Variants in PHACTR1 observed in about 807,000 individuals in gnomAD.
PHACTR1 encodes the protein RPEL repeat containing 1.
Under a neutral mutation model 69.2 loss-of-function variants are expected in PHACTR1, and 16 were observed. The observed-to-expected ratio is 0.23, with a 90% CI of 0.16 to 0.35. The LOEUF (loss-of-function observed/expected upper bound fraction) is 0.35, where lower values mean the gene tolerates loss of function less well. Ranked by LOEUF, PHACTR1 falls within the 10% of genes least tolerant of loss-of-function variation. The pLI is 1.00. For synonymous variants in PHACTR1, 312 were observed against 284.5 expected (o/e 1.10, Z -0.97); for missense variants, 510 against 734.7 (o/e 0.69, Z 3.54).
At chr6:13,215,919 A>C (rs1767601428) in intron 8 of PHACTR1, among the ~76,000 whole-genome samples, 1 of 152,228 alleles carries the variant, frequency 6.6e-6, no homozygotes, top group South Asian at 2.1e-4. Flanking sequence ...TCTTAGCAAC[A>C]CCCATTGATC....
chr6:13,113,267 CAAG>C (rs1817315705), intron 5 of PHACTR1, among the ~76,000 whole-genome samples: 3 of 152,106 alleles, frequency 2.0e-5, no homozygotes, highest in African/African-American at 4.8e-5. Context: ...AAAACTGATC[CAAG>C]AAGAAGTAGG....
chr6:13,272,976 T>C (rs1778079758), intron 11 of PHACTR1, 61 bp downstream of exon 11: 3 of 1,602,714 alleles, frequency 1.9e-6, no homozygotes, highest in Non-Finnish European at 1.7e-6. Flanking sequence ...TATTATTTAA[T>C]GGTAGGCCAC....
chr6:12,807,443 A>G (rs1018310185), intron 4 of PHACTR1, among the ~76,000 whole-genome samples: 3 of 152,200 alleles, frequency 2.0e-5, no homozygotes, highest in African/African-American at 7.2e-5. Flanking sequence ...ATGCTAGTGT[A>G]TATCGAGGAG....
At chr6:12,812,669 A>G (rs952070056) in intron 4 of PHACTR1, among the ~76,000 whole-genome samples, 19 of 152,300 alleles carry the variant, frequency 1.2e-4, no homozygotes, top group African/African-American at 4.3e-4. Flanking sequence ...TCCCATCGTC[A>G]TGCCTTTCTC....
chr6:12,953,825 G>C (rs1424672313), intron 4 of PHACTR1, among the ~76,000 whole-genome samples: 1 of 152,184 alleles, frequency 6.6e-6, no homozygotes, highest in Admixed American at 6.5e-5. Flanking sequence ...GAGTAGAAAG[G>C]AAGAGTATTG....
At chr6:12,906,655 C>A (rs1785763417) in intron 4 of PHACTR1, among the ~76,000 whole-genome samples, 2 of 152,084 alleles carry the variant, frequency 1.3e-5, no homozygotes, top group South Asian at 4.2e-4. Flanking sequence ...TCATCATGAC[C>A]CTTTCTATGT....
intron 5 of PHACTR1, among the ~76,000 whole-genome samples, chr6:13,149,819 T>A (rs1460366130): frequency 7.2e-6 from 1 of 138,018 alleles, no homozygotes; most frequent in Non-Finnish European, 1.5e-5. Flanking sequence ...AGTTACGAGA[T>A]TTTTTTTTGC....
intron 4 of PHACTR1, among the ~76,000 whole-genome samples, chr6:13,052,008 G>A (rs77447172): frequency 0.032 from 4,837 of 152,182 alleles, 260 homozygotes; most frequent in African/African-American, 0.11. Context: ...CTGTGTCCTC[G>A]CCTGTCTTCC....
chr6:13,254,897 C>G (rs1462167180), intron 10 of PHACTR1, among the ~76,000 whole-genome samples: 2 of 152,136 alleles, frequency 1.3e-5, no homozygotes, highest in Non-Finnish European at 2.9e-5. Flanking sequence ...TTATATGCAA[C>G]AAGTTAAGAG....
chr6:12,787,409 A>G (rs1771672697), intron 4 of PHACTR1, among the ~76,000 whole-genome samples: 2 of 152,222 alleles, frequency 1.3e-5, no homozygotes, highest in East Asian at 1.9e-4. Context: ...TCTTCCCATG[A>G]CTTGAGTGTG....
Position 13,171,089 on chromosome 6 carries a change from A to G in PHACTR1, c.496+10805A>G, listed in dbSNP as rs9395506. 3.0e-4 allele frequency among the ~76,000 whole-genome samples: 45 copies of G among 152,300 alleles called. No homozygotes were observed. The East Asian group carries it at 7.9e-3, about 27-fold the overall frequency. On this transcript the variant is annotated intron_variant, in intron 6 of 14. Transcript: ENST00000332995. ...AGCAGGTACTCGATCAAGGTTAGCT[A>G]TGGTCTCCACCAGCCACCTGTTCTC...
intron 4 of PHACTR1, among the ~76,000 whole-genome samples, chr6:12,893,209 G>A (rs1226692836): frequency 2.6e-5 from 4 of 152,172 alleles, no homozygotes; most frequent in Non-Finnish European, 5.9e-5. Flanking sequence ...AGGGCTCCAA[G>A]AGGTCAAAAG....
chr6:12,739,527 T>TATAA (rs1161269041), intron 3 of PHACTR1, among the ~76,000 whole-genome samples: 3 of 152,078 alleles, frequency 2.0e-5, no homozygotes, highest in East Asian at 1.9e-4. Context: ...AGAAGCTTTT[T>TATAA]ATAAATAAAT....
At chr6:12,729,481 G>A (rs1455057973) in intron 3 of PHACTR1, among the ~76,000 whole-genome samples, 3 of 152,176 alleles carry the variant, frequency 2.0e-5, no homozygotes, top group Non-Finnish European at 4.4e-5. Context: ...CATGGGAAGA[G>A]GGTGATCCAT....
intron 10 of PHACTR1, among the ~76,000 whole-genome samples, chr6:13,247,353 G>A (rs1773712560): frequency 6.6e-6 from 1 of 151,400 alleles, no homozygotes; most frequent in East Asian, 1.9e-4. Context: ...GTGTGTGTGT[G>A]TGTGTGTGTG....
At chr6:12,866,664 C>T (rs1314393850) in intron 4 of PHACTR1, among the ~76,000 whole-genome samples, 1 of 152,166 alleles carries the variant, frequency 6.6e-6, no homozygotes, top group African/African-American at 2.4e-5. Flanking sequence ...TTTATATTCA[C>T]AATGGTTAAG....
intron 5 of PHACTR1, among the ~76,000 whole-genome samples, chr6:13,090,751 T>C (rs769724128): frequency 6.6e-6 from 1 of 152,088 alleles, no homozygotes; most frequent in Non-Finnish European, 1.5e-5. Context: ...TGTAATTCAC[T>C]GAGTTTGTTT....
At chr6:12,788,446 A>T (rs964772218) in intron 4 of PHACTR1, among the ~76,000 whole-genome samples, 2 of 152,196 alleles carry the variant, frequency 1.3e-5, no homozygotes, top group African/African-American at 4.8e-5. Flanking sequence ...GATGGAGAGG[A>T]ACGAAATATA....
intron 4 of PHACTR1, among the ~76,000 whole-genome samples, chr6:13,014,238 C>A (rs1049855143): frequency 2.0e-5 from 3 of 152,096 alleles, no homozygotes; most frequent in African/African-American, 7.2e-5. Flanking sequence ...CGTCTGTCGC[C>A]TGGAAAACTG....
Sources: allele counts gnomAD v4.1 joint callset (sites outside exome capture counted in the v4.1 genomes callset), GRCh38; gene constraint gnomAD v4.1.1; transcripts MANE v1.5; gene names NCBI Gene and HGNC (gene_info 2026-07-23, HGNC 2026-07-21).